The following SGMS1 variants were observed in gnomAD, a reference collection of about 807,000 sequenced individuals.
The protein encoded by SGMS1 is sphingomyelin synthase 1, also known as phosphatidylcholine:ceramide cholinephosphotransferase 1.
In SGMS1, 13 loss-of-function variants were observed where a neutral mutation model predicts 46.2. The observed-to-expected ratio is 0.28, with a 90% CI of 0.18 to 0.45. The LOEUF (loss-of-function observed/expected upper bound fraction) is 0.45. SGMS1 is among the 20% of genes least tolerant of loss of function. The pLI is 1.00. For synonymous variants in SGMS1, 203 were observed against 187.8 expected (o/e 1.08, Z -0.66); for missense variants, 324 against 519.9 (o/e 0.62, Z 3.66).
rs562691862 is a variant in SGMS1, at chr10:50,349,557, C to G, written c.-231-5212G>C. Among the ~76,000 whole-genome samples the G allele has an allele frequency of 1.5e-4, 23 of 152,298 alleles. No individual in the cohort carries two copies. In the East Asian group the frequency reaches 3.9e-3, roughly 26 times the overall value. ...CTGATATAGCTTGGCTGTGTCCCACCCAAATCTCATTCTGAATTGTATTCC... is the reference window on the plus strand; with the variant it reads ...CTGATATAGCTTGGCTGTGTCCCACGCAAATCTCATTCTGAATTGTATTCC... On this transcript the variant is annotated intron_variant, in intron 6 of 10. Coordinates refer to ENST00000361781, the MANE Select transcript of SGMS1 (RefSeq NM_147156.4).
intron 6 of SGMS1, among the ~76,000 whole-genome samples, chr10:50,385,610 C>T (rs951324332): frequency 1.3e-5 from 2 of 151,748 alleles, no homozygotes; most frequent in Non-Finnish European, 2.9e-5. Flanking sequence ...TCATGTTCTG[C>T]GAAATAATCA....
intron 2 of SGMS1, among the ~76,000 whole-genome samples, chr10:50,523,491 T>G (rs1389538154): frequency 3.3e-5 from 5 of 152,212 alleles, no homozygotes; most frequent in Admixed American, 1.3e-4. Flanking sequence ...TCACTTCAGA[T>G]AGCCAGCTGG....
At chr10:50,414,820 T>C (rs947804037) in intron 6 of SGMS1, among the ~76,000 whole-genome samples, 4 of 152,338 alleles carry the variant, frequency 2.6e-5, no homozygotes, top group South Asian at 4.1e-4. Context: ...CTGTACCATA[T>C]GCCTTTCTCA....
At chr10:50,340,001 A>G (rs185182830) in intron 7 of SGMS1, among the ~76,000 whole-genome samples, 10 of 152,336 alleles carry the variant, frequency 6.6e-5, no homozygotes, top group Non-Finnish European at 1.5e-4. Flanking sequence ...TAAAATTAGA[A>G]TGGAAACAAC....
chr10:50,594,385 C>G (rs1838571020), intron 1 of SGMS1, among the ~76,000 whole-genome samples: 1 of 152,190 alleles, frequency 6.6e-6, no homozygotes, highest in Admixed American at 6.5e-5. Context: ...TGACTGGTAT[C>G]TTCTTGAAGG....
At chr10:50,593,712 C>T (rs893681624) in intron 1 of SGMS1, among the ~76,000 whole-genome samples, 7 of 152,158 alleles carry the variant, frequency 4.6e-5, no homozygotes, top group African/African-American at 1.2e-4. Context: ...TGAAACAATA[C>T]GGTATGTGCT....
At chr10:50,369,071 T>C (rs1159840613) in intron 6 of SGMS1, among the ~76,000 whole-genome samples, 1 of 152,212 alleles carries the variant, frequency 6.6e-6, no homozygotes, top group East Asian at 1.9e-4. Flanking sequence ...TAAAAACCTG[T>C]AGACAAAATA....
intron 1 of SGMS1, among the ~76,000 whole-genome samples, chr10:50,601,696 C>A (rs1373083328): frequency 6.6e-6 from 1 of 152,212 alleles, no homozygotes; most frequent in Non-Finnish European, 1.5e-5. Context: ...GGGCCTAACA[C>A]TACTCATCAG....
rs1837379386 is a variant in SGMS1, at chr10:50,471,590, C to T, written c.-497-4658G>A. Among the ~76,000 whole-genome samples, 4 of 152,190 alleles carry T rather than the reference C, an allele frequency of 2.6e-5. No homozygotes were observed. The South Asian group carries it at 8.3e-4, about 31-fold the overall frequency. Reference sequence around the variant, plus strand: ...GAGATATAAAAAAGGATCTTTTAAACACAAAGACTTTATTCAAATTAAATC... The same window carrying T: ...GAGATATAAAAAAGGATCTTTTAAATACAAAGACTTTATTCAAATTAAATC... On this transcript the variant is annotated intron_variant, in intron 3 of 10. Coordinates refer to ENST00000361781, the MANE Select transcript of SGMS1 (RefSeq NM_147156.4).
At chr10:50,445,101 A>G (rs751982698) in intron 5 of SGMS1, among the ~76,000 whole-genome samples, 1 of 152,236 alleles carries the variant, frequency 6.6e-6, no homozygotes, top group Non-Finnish European at 1.5e-5. Flanking sequence ...CAATAAGTAC[A>G]TGAAAAAATT....
At chr10:50,529,983 C>A (rs1310065348) in intron 2 of SGMS1, among the ~76,000 whole-genome samples, 1 of 152,210 alleles carries the variant, frequency 6.6e-6, no homozygotes, top group Non-Finnish European at 1.5e-5. Flanking sequence ...CCAATCTTCA[C>A]TATTTCCTTT....
At chr10:50,432,542 C>G (rs1375241691) in intron 6 of SGMS1, among the ~76,000 whole-genome samples, 9 of 152,106 alleles carry the variant, frequency 5.9e-5, no homozygotes, top group Non-Finnish European at 2.9e-5. Flanking sequence ...AGCTTGTTAA[C>G]ATCTACCTGC....
intron 3 of SGMS1, among the ~76,000 whole-genome samples, chr10:50,518,021 CG>C (rs1357872626): frequency 1.3e-5 from 2 of 151,902 alleles, no homozygotes; most frequent in African/African-American, 2.4e-5. Context: ...TCAGGGGAAA[CG>C]TAAGGATAGA....
At chr10:50,376,108 A>C (rs748803297) in intron 6 of SGMS1, among the ~76,000 whole-genome samples, 1 of 152,176 alleles carries the variant, frequency 6.6e-6, no homozygotes, top group Admixed American at 6.5e-5. Context: ...ATGCAAAACA[A>C]ATTTGTTTTT....
intron 2 of SGMS1, among the ~76,000 whole-genome samples, chr10:50,533,490 C>T (rs912768704): frequency 2.0e-5 from 3 of 152,072 alleles, no homozygotes; most frequent in African/African-American, 7.2e-5. Flanking sequence ...GATCAGTGAA[C>T]AAATGTTTGG....
At chr10:50,422,694 G>T (rs1849272389) in intron 6 of SGMS1, among the ~76,000 whole-genome samples, 1 of 152,126 alleles carries the variant, frequency 6.6e-6, no homozygotes, top group Non-Finnish European at 1.5e-5. Context: ...TTACCAACAG[G>T]TGCTCCTAAC....
At chr10:50,457,974 C>T (rs971644276) in intron 5 of SGMS1, among the ~76,000 whole-genome samples, 2 of 152,176 alleles carry the variant, frequency 1.3e-5, no homozygotes, top group African/African-American at 4.8e-5. Flanking sequence ...TAAGGTGAGT[C>T]GACCCTAATT....
At chr10:50,492,250 A>C (rs1426820077) in intron 3 of SGMS1, among the ~76,000 whole-genome samples, 1 of 152,220 alleles carries the variant, frequency 6.6e-6, no homozygotes, top group Non-Finnish European at 1.5e-5. Context: ...CTTCTTGAAA[A>C]CTGCCACAAG....
Position 50,561,718 on chromosome 10 carries a change from TAGG to T in SGMS1, c.-589+28432_-589+28434del, listed in dbSNP as rs1044223676. ...TTGTTTATCCAATTCTCAATTGATG[TAGG>T]AGAACTAAGTTAACTGAACTGAAAG... On this transcript the variant is annotated intron_variant, in intron 2 of 10. Coordinates refer to ENST00000361781, the MANE Select transcript of SGMS1 (RefSeq NM_147156.4). Among the ~76,000 whole-genome samples, 10 of 152,168 alleles carry T rather than the reference TAGG, an allele frequency of 6.6e-5. No homozygotes were observed. The East Asian group carries it at 7.7e-4, about 12-fold the overall frequency.
Sources: allele counts gnomAD v4.1 joint callset (sites outside exome capture counted in the v4.1 genomes callset), GRCh38; gene constraint gnomAD v4.1.1; transcripts MANE v1.5; gene names NCBI Gene and HGNC (gene_info 2026-07-23, HGNC 2026-07-21).